The following ANO4 variants were observed in gnomAD, a reference collection of about 807,000 sequenced individuals.
ANO4 encodes anoctamin-4.
A neutral mutation model predicts 141.9 loss-of-function variants in ANO4; 69 were observed. That is an observed-to-expected ratio of 0.49 (90% CI 0.40 to 0.59). ANO4 has a LOEUF of 0.59. Ranked by LOEUF, ANO4 falls within the 20% of genes least tolerant of loss-of-function variation. The probability of loss-of-function intolerance (pLI) is 0.00; values close to 1 mark genes in which losing one functional copy is unlikely to be tolerated. For synonymous variants in ANO4, 350 were observed against 394.3 expected (o/e 0.89, Z 1.33); for missense variants, 894 against 1,162.2 (o/e 0.77, Z 3.36).
At chr12:101,083,980 C>G (rs2049384838) in intron 16 of ANO4, among the ~76,000 whole-genome samples, 162 bp downstream of exon 16, 1 of 152,154 alleles carries the variant, frequency 6.6e-6, no homozygotes, top group South Asian at 2.1e-4. Flanking sequence ...GTATTGCTAT[C>G]CCCATATTAC....
chr12:101,054,642 G>T (rs2048027746), intron 14 of ANO4, among the ~76,000 whole-genome samples: 1 of 152,158 alleles, frequency 6.6e-6, no homozygotes, highest in Admixed American at 6.5e-5. Flanking sequence ...TGGGATTACA[G>T]GCGCCCGCCA....
At chr12:101,026,129 C>A (rs2046724125) in intron 9 of ANO4, among the ~76,000 whole-genome samples, 1 of 152,078 alleles carries the variant, frequency 6.6e-6, no homozygotes, top group Non-Finnish European at 1.5e-5. Flanking sequence ...TATAAAGAAA[C>A]TCACAATGGA....
intron 1 of ANO4, chr12:100,842,270 A>G (rs996660510): frequency 6.6e-6 from 1 of 151,788 alleles, no homozygotes; most frequent in Non-Finnish European, 1.5e-5. Context: ...ATTCTTTGTT[A>G]TATGATTCTC....
intron 3 of ANO4, among the ~76,000 whole-genome samples, chr12:100,762,195 G>A (rs2032889981): frequency 6.6e-6 from 1 of 152,178 alleles, no homozygotes; most frequent in South Asian, 2.1e-4. Flanking sequence ...GGGATTTTCA[G>A]GACCCAGTAA....
chr12:100,736,642 A>G (rs2031631805), intron 2 of ANO4, among the ~76,000 whole-genome samples: 2 of 152,124 alleles, frequency 1.3e-5, no homozygotes, highest in Non-Finnish European at 2.9e-5. Context: ...TGTGATTGTG[A>G]CTGTATTTGG....
chr12:100,878,566 A>G (rs1366594340), intron 1 of ANO4, among the ~76,000 whole-genome samples: 3 of 152,232 alleles, frequency 2.0e-5, no homozygotes, highest in African/African-American at 7.2e-5. Context: ...GAGTGAAGGC[A>G]GGACCCTTAA....
intron 14 of ANO4, among the ~76,000 whole-genome samples, chr12:101,065,586 CA>C (rs1330954290): frequency 6.6e-6 from 1 of 151,928 alleles, no homozygotes; most frequent in Non-Finnish European, 1.5e-5. Context: ...CTGAACAGAC[CA>C]ATAATGAGTA....
intron 14 of ANO4, among the ~76,000 whole-genome samples, chr12:101,070,221 C>T (rs1211417683): frequency 2.0e-5 from 3 of 151,920 alleles, no homozygotes; most frequent in African/African-American, 7.3e-5. Flanking sequence ...TTATACTGAG[C>T]AAAAACAACA....
At chr12:101,064,368 T>C (rs1165308096) in intron 14 of ANO4, among the ~76,000 whole-genome samples, 2 of 152,222 alleles carry the variant, frequency 1.3e-5, no homozygotes, top group Non-Finnish European at 2.9e-5. Context: ...GGACATAGTT[T>C]GTGTGGTTTC....
At chr12:101,099,142 G>A (rs1288746457) in intron 21 of ANO4, among the ~76,000 whole-genome samples, 3 of 152,138 alleles carry the variant, frequency 2.0e-5, no homozygotes, top group African/African-American at 4.8e-5. Flanking sequence ...GAAGCATTTT[G>A]TGGGTTTGCA....
At chr12:100,862,407 C>T (rs997641692) in intron 1 of ANO4, among the ~76,000 whole-genome samples, 3 of 152,056 alleles carry the variant, frequency 2.0e-5, no homozygotes, top group African/African-American at 4.8e-5. Context: ...CTGCAATCTC[C>T]GCCTCCCAGG....
intron 1 of ANO4, among the ~76,000 whole-genome samples, chr12:100,831,242 C>T (rs998963606): frequency 3.9e-5 from 6 of 152,096 alleles, no homozygotes; most frequent in Non-Finnish European, 5.9e-5. Context: ...TCTGGTGGCA[C>T]GTGTCTTGCA....
rs1328533335 is a variant in ANO4 at position 100,914,232 on chromosome 12, C to G, written c.56-7994C>G. ...CCTGGAAAACATAGAAGCAATTCTG[C>G]TGAAGGAGAGCCATTACTGGCCGAT... On this transcript the variant is annotated intron_variant, in intron 2 of 27. Coordinates refer to ENST00000392977, the MANE Select transcript of ANO4 (RefSeq NM_001286615.2). Among the ~76,000 whole-genome samples the G allele has an allele frequency of 2.0e-5, 3 of 152,190 alleles. No individual in the cohort carries two copies. In the East Asian group the frequency reaches 5.8e-4, roughly 29 times the overall value.
At chr12:100,826,462 G>A (rs1204753664) in intron 1 of ANO4, among the ~76,000 whole-genome samples, 2 of 152,140 alleles carry the variant, frequency 1.3e-5, no homozygotes, top group African/African-American at 4.8e-5. Context: ...ATTCATGGAT[G>A]TATTATTTCT....
intron 3 of ANO4, among the ~76,000 whole-genome samples, chr12:100,753,779 A>G (rs1177829923): frequency 6.6e-6 from 1 of 152,244 alleles, no homozygotes; most frequent in Non-Finnish European, 1.5e-5. Flanking sequence ...AAAGCTATCA[A>G]TAGTACAGTA....
intron 2 of ANO4, 47 bp from the exon 3 acceptor site, chr12:100,922,177 ACT>A (rs1487030470): frequency 1.0e-5 from 14 of 1,356,808 alleles, no homozygotes; most frequent in East Asian, 2.6e-5. Context: ...CTAATGACAG[ACT>A]CTCTGATAAC....
chr12:100,722,632 G>A lies in ANO4; in HGVS notation c.22+5085G>A, dbSNP rs59391456. On this transcript the variant is annotated intron_variant, in intron 1 of 29. Transcript: ENST00000644049. ...ATAGCAGGTTCTAATTTTGTACTGC[G>A]GTGAGTAATCCCCTCTGTGGGTTGT... is the stretch of plus-strand genomic sequence containing the variant. Among the ~76,000 whole-genome samples, 648 of 152,144 alleles carry A rather than the reference G, an allele frequency of 4.3e-3. 10 individuals are homozygous for A. In the East Asian group the frequency reaches 0.052, roughly 12 times the overall value.
chr12:100,957,324 T>C (rs2043211770), intron 5 of ANO4, among the ~76,000 whole-genome samples: 1 of 152,180 alleles, frequency 6.6e-6, no homozygotes. Context: ...AATCCATTCC[T>C]GCAGGAACAG....
intron 3 of ANO4, among the ~76,000 whole-genome samples, chr12:100,763,943 T>G (rs906550138): frequency 1.3e-5 from 2 of 152,092 alleles, no homozygotes; most frequent in Non-Finnish European, 2.9e-5. Context: ...AAAGACCAAC[T>G]GTTATGTATC....
Sources: gnomAD v4.1 joint callset for allele counts (sites outside exome capture counted in the v4.1 genomes callset) on GRCh38, gnomAD v4.1.1 for gene constraint, MANE v1.5 for transcripts, NCBI Gene and HGNC (gene_info 2026-07-23, HGNC 2026-07-21) for gene names.